MCTP1: variants seen among roughly 807,000 people sequenced by gnomAD.
MCTP1 encodes multiple C2 and transmembrane domain-containing protein 1.
MCTP1 carries 69 observed loss-of-function variants against 120.6 expected under a neutral mutation model. The observed-to-expected ratio is 0.57, with a 90% CI of 0.47 to 0.70. The LOEUF is 0.70. Among genes scored for constraint, MCTP1 ranks in the 30% least tolerant of loss-of-function variants. MCTP1 has a pLI of 0.00. For synonymous variants in MCTP1, 529 were observed against 493.1 expected, an observed-to-expected ratio of 1.07 and a Z score of -0.96; for missense variants, 1,203 against 1,248.8, an observed-to-expected ratio of 0.96 and a Z score of 0.55.
chr5:95,019,893 T>G (rs1439532455), intron 1 of MCTP1, among the ~76,000 whole-genome samples: 1 of 152,098 alleles, frequency 6.6e-6, no homozygotes, highest in African/African-American at 2.4e-5. Context: ...TAAACAACTT[T>G]TCAAAGAACA....
intron 17 of MCTP1, among the ~76,000 whole-genome samples, chr5:94,802,452 C>CTCG (rs1332633781): frequency 1.3e-5 from 2 of 152,136 alleles, no homozygotes; most frequent in African/African-American, 2.4e-5. Flanking sequence ...ATAAAGAGAG[C>CTCG]TCTCGAAGGA....
chr5:94,764,501 A>T (rs1470624344), intron 19 of MCTP1, among the ~76,000 whole-genome samples: 1 of 152,216 alleles, frequency 6.6e-6, no homozygotes, highest in Non-Finnish European at 1.5e-5. Context: ...CATTTCACCT[A>T]TAAAGACATA....
At chr5:94,717,303 G>A (rs990281577) in intron 19 of MCTP1, among the ~76,000 whole-genome samples, 5 of 152,078 alleles carry the variant, frequency 3.3e-5, no homozygotes, top group Non-Finnish European at 7.4e-5. Flanking sequence ...CGCGAAAAAG[G>A]CCTTCGATAA....
intron 1 of MCTP1, among the ~76,000 whole-genome samples, chr5:95,227,389 TA>T (rs1183460662): frequency 6.6e-6 from 1 of 152,206 alleles, no homozygotes; most frequent in Non-Finnish European, 1.5e-5. Context: ...AAGCTTAAAC[TA>T]TTTTTCTAGC....
At chr5:94,900,796 G>A (rs1244175983) in intron 10 of MCTP1, among the ~76,000 whole-genome samples, 1 of 152,142 alleles carries the variant, frequency 6.6e-6, no homozygotes, top group Non-Finnish European at 1.5e-5. Flanking sequence ...TAAACTCTTT[G>A]TACTTCAGCT....
chr5:95,155,383 G>A (rs1745005926), intron 1 of MCTP1, among the ~76,000 whole-genome samples: 1 of 152,048 alleles, frequency 6.6e-6, no homozygotes. Context: ...TTGGACTCTT[G>A]TTTACCTAAT....
At chr5:94,975,954 G>A (rs1827999487) in intron 2 of MCTP1, among the ~76,000 whole-genome samples, 1 of 152,136 alleles carries the variant, frequency 6.6e-6, no homozygotes, top group African/African-American at 2.4e-5. Context: ...GGGTCATCGA[G>A]AAATCTTTGT....
intron 12 of MCTP1, among the ~76,000 whole-genome samples, chr5:94,888,043 A>G (rs781623322): frequency 7.6e-6 from 1 of 131,642 alleles, no homozygotes; most frequent in Non-Finnish European, 1.6e-5. Flanking sequence ...ATAAGTTGAT[A>G]TTTTCTTTCA....
At position 94,813,392 on chromosome 5, in the gene MCTP1, G is replaced by T. The variant is rs574300592; in HGVS notation, c.2437-14260C>A. Among the ~76,000 whole-genome samples the T allele has an allele frequency of 3.9e-5, 6 of 152,188 alleles. No individual in the cohort carries two copies. In the South Asian group the frequency reaches 1.2e-3, roughly 32 times the overall value. On this transcript the variant is annotated intron_variant, in intron 17 of 22. Coordinates refer to ENST00000515393, the MANE Select transcript of MCTP1 (RefSeq NM_024717.7). ...GAATGTAAAATGGTAAGCCTACTTT[G>T]GAAAACAGATTGTTAGTTTCTTAAA...
At chr5:95,214,280 G>A (rs1319662001) in intron 1 of MCTP1, among the ~76,000 whole-genome samples, 4 of 152,064 alleles carry the variant, frequency 2.6e-5, no homozygotes, top group Admixed American at 2.6e-4. Context: ...ATCATCTCTG[G>A]CCATCAGAGA....
At chr5:94,944,619 ACTGGGCGATTCAACATCCAACCTC>A (rs1352367907) in intron 3 of MCTP1, among the ~76,000 whole-genome samples, 2 of 152,210 alleles carry the variant, frequency 1.3e-5, no homozygotes, top group African/African-American at 4.8e-5. Flanking sequence ...AGACAGCCCA[ACTGGGCGATTCAACATCCAACCTC>A]TTTTCACTCT....
At chr5:95,132,653 G>A (rs1208070822) in intron 1 of MCTP1, among the ~76,000 whole-genome samples, 2 of 152,196 alleles carry the variant, frequency 1.3e-5, no homozygotes, top group Non-Finnish European at 2.9e-5. Context: ...TCTGCCAGGT[G>A]TGCTGTCCCC....
chr5:95,031,088 T>A (rs974462189), intron 1 of MCTP1, among the ~76,000 whole-genome samples: 5 of 151,278 alleles, frequency 3.3e-5, no homozygotes, highest in Non-Finnish European at 5.9e-5. Flanking sequence ...CAGACAAAAA[T>A]TTAAAAAAAA....
At chr5:94,882,442 A>G (rs377568109) in intron 12 of MCTP1, among the ~76,000 whole-genome samples, 38 of 152,074 alleles carry the variant, frequency 2.5e-4, no homozygotes, top group African/African-American at 9.2e-4. Flanking sequence ...CAAAAAATCT[A>G]GTTAAATCTA....
intron 1 of MCTP1, among the ~76,000 whole-genome samples, chr5:95,059,171 G>A (rs1376278255): frequency 2.6e-5 from 4 of 151,716 alleles, no homozygotes; most frequent in African/African-American, 4.8e-5. Context: ...ATCAACCTAG[G>A]TGCCTATCAA....
At chr5:95,031,289 C>A (rs1331863627) in intron 1 of MCTP1, among the ~76,000 whole-genome samples, 2 of 151,776 alleles carry the variant, frequency 1.3e-5, no homozygotes, top group African/African-American at 2.4e-5. Context: ...AGAACACCTG[C>A]AAAACACTAT....
chr5:94,751,472 T>C (rs1257095774), intron 19 of MCTP1, among the ~76,000 whole-genome samples: 3 of 151,600 alleles, frequency 2.0e-5, no homozygotes. Context: ...GCAGGTGACC[T>C]TGAAAGCCTA....
At chr5:94,999,019 C>T (rs1833140348) in intron 2 of MCTP1, among the ~76,000 whole-genome samples, 1 of 152,176 alleles carries the variant, frequency 6.6e-6, no homozygotes, top group Admixed American at 6.6e-5. Flanking sequence ...TTTTGTCCCT[C>T]TTCCTTCCTC....
intron 2 of MCTP1, among the ~76,000 whole-genome samples, chr5:94,998,170 A>G (rs1260373795): frequency 6.6e-6 from 1 of 152,156 alleles, no homozygotes. Flanking sequence ...TGGATATTTT[A>G]TGACCATGGT....
Sources: gnomAD v4.1 joint callset for allele counts (sites outside exome capture counted in the v4.1 genomes callset) on GRCh38, gnomAD v4.1.1 for gene constraint, MANE v1.5 for transcripts, NCBI Gene and HGNC (gene_info 2026-07-23, HGNC 2026-07-21) for gene names.